Variants in TENM3 observed in about 807,000 individuals in gnomAD.
The protein encoded by TENM3 is teneurin-3.
In TENM3, 63 loss-of-function variants were observed where a neutral mutation model predicts 255.1. The observed-to-expected ratio is 0.25, with a 90% confidence interval of 0.20 to 0.30. The LOEUF (loss-of-function observed/expected upper bound fraction) is 0.30. Ranked by LOEUF, TENM3 falls within the 10% of genes least tolerant of loss-of-function variation. The pLI is 1.00. For missense variants in TENM3, 2,929 were observed against 3,461.1 expected (o/e 0.85, Z 3.86); for synonymous variants, 1,306 against 1,322.3 (o/e 0.99, Z 0.27).
the TENM3 span, chr4:181,834,722 T>C: frequency 6.6e-6 from 1 of 152,224 alleles, no homozygotes; most frequent in Non-Finnish European, 1.5e-5. Flanking sequence ...TGTTTATCCT[T>C]TTGATTGGAG....
At chr4:181,639,771 G>A in the TENM3 span, among the ~76,000 whole-genome samples, 1 of 151,976 alleles carries the variant, frequency 6.6e-6, no homozygotes, top group Non-Finnish European at 1.5e-5. Flanking sequence ...CACCACCCTC[G>A]GAGTGGTGCT....
At chr4:182,051,693 TAAC>T in the TENM3 span, among the ~76,000 whole-genome samples, 134 of 152,260 alleles carry the variant, frequency 8.8e-4, no homozygotes, top group African/African-American at 1.7e-3. Flanking sequence ...TTTATTCACT[TAAC>T]AAATATTTTC....
At chr4:181,641,052 G>A in the TENM3 span, among the ~76,000 whole-genome samples, 1 of 152,110 alleles carries the variant, frequency 6.6e-6, no homozygotes, top group Non-Finnish European at 1.5e-5. Context: ...ATTACTAAGA[G>A]ACTGTTTTAT....
At chr4:182,120,373 G>A in the TENM3 span, among the ~76,000 whole-genome samples, 1 of 152,114 alleles carries the variant, frequency 6.6e-6, no homozygotes, top group Middle Eastern at 3.2e-3. Context: ...ACACAATGAT[G>A]AAATTACCTA....
chr4:181,600,947 A>T, the TENM3 span, among the ~76,000 whole-genome samples: 3 of 151,636 alleles, frequency 2.0e-5, no homozygotes, highest in Non-Finnish European at 2.9e-5. Context: ...TATTCTGCCC[A>T]CTCAGGTCAC....
chr4:182,441,160 A>C (rs1255786459), intron 3 of TENM3, among the ~76,000 whole-genome samples: 4 of 152,144 alleles, frequency 2.6e-5, no homozygotes, highest in Non-Finnish European at 2.9e-5. Flanking sequence ...TCATGTATTA[A>C]GTTTATGTTC....
At chr4:181,665,598 A>T in the TENM3 span, among the ~76,000 whole-genome samples, 3 of 152,040 alleles carry the variant, frequency 2.0e-5, no homozygotes, top group African/African-American at 4.8e-5. Context: ...GTATGTTTAT[A>T]TAAGTGTCTA....
At chr4:182,520,952 T>G (rs1211108516) in intron 3 of TENM3, among the ~76,000 whole-genome samples, 1 of 152,168 alleles carries the variant, frequency 6.6e-6, no homozygotes, top group Admixed American at 6.5e-5. Flanking sequence ...TTGGGAATAA[T>G]AGAAAATCTC....
intron 4 of TENM3, among the ~76,000 whole-genome samples, chr4:182,625,596 G>A (rs1484477415): frequency 6.6e-6 from 1 of 152,150 alleles, no homozygotes; most frequent in African/African-American, 2.4e-5. Flanking sequence ...CACAGTCATA[G>A]GAAATGTCAG....
the TENM3 span, among the ~76,000 whole-genome samples, chr4:181,716,482 T>C: frequency 1.6e-3 from 244 of 152,304 alleles, no homozygotes; most frequent in African/African-American, 5.4e-3. Context: ...TAGCCCTCCA[T>C]GGCTCTGCCT....
intron 3 of TENM3, among the ~76,000 whole-genome samples, chr4:182,548,202 G>A (rs78830454): frequency 0.039 from 5,926 of 152,112 alleles, 228 homozygotes; most frequent in East Asian, 0.095. Flanking sequence ...TCCAGCCTGG[G>A]CAACACAGTG....
the TENM3 span, among the ~76,000 whole-genome samples, chr4:181,699,276 C>G: frequency 6.6e-6 from 1 of 151,048 alleles, no homozygotes; most frequent in Non-Finnish European, 1.5e-5. Flanking sequence ...AGAAAAAATA[C>G]AAAAATTAGC....
chr4:182,601,888 C>T (rs940816612), intron 4 of TENM3, among the ~76,000 whole-genome samples: 4 of 152,210 alleles, frequency 2.6e-5, no homozygotes, highest in African/African-American at 7.2e-5. Context: ...CCATGAGCTT[C>T]TCAGTCTTCT....
At chr4:182,761,541 G>T (rs557392129) in intron 22 of TENM3, among the ~76,000 whole-genome samples, 55 of 152,124 alleles carry the variant, frequency 3.6e-4, no homozygotes, top group African/African-American at 1.2e-3. Flanking sequence ...TTGCATCATT[G>T]TTATTTCTGC....
At chr4:181,857,551 CAAAA>C in the TENM3 span, among the ~76,000 whole-genome samples, 16 of 104,806 alleles carry the variant, frequency 1.5e-4, no homozygotes, top group East Asian at 4.0e-4. Flanking sequence ...CCTGTCTCTA[CAAAA>C]AAAAAAAAAA....
the TENM3 span, among the ~76,000 whole-genome samples, chr4:182,110,873 A>G: frequency 6.6e-6 from 1 of 152,186 alleles, no homozygotes; most frequent in Non-Finnish European, 1.5e-5. Context: ...GATGATCGAA[A>G]CTATAGAAAC....
chr4:182,092,553 T>C, the TENM3 span, among the ~76,000 whole-genome samples: 1 of 152,160 alleles, frequency 6.6e-6, no homozygotes, highest in Non-Finnish European at 1.5e-5. Context: ...GAGGCCAAGG[T>C]GGACCTCGAG....
At chr4:181,513,140 G>A in the TENM3 span, among the ~76,000 whole-genome samples, 1 of 151,820 alleles carries the variant, frequency 6.6e-6, no homozygotes, top group Non-Finnish European at 1.5e-5. Context: ...TTTTTTTGTG[G>A]TGTTATTTAT....
At chr4:182,001,857 T>C in the TENM3 span, among the ~76,000 whole-genome samples, 1 of 152,122 alleles carries the variant, frequency 6.6e-6, no homozygotes, top group Non-Finnish European at 1.5e-5. Context: ...CTAAGGTATT[T>C]CTAAAATGAA....
Sources: allele counts gnomAD v4.1 joint callset (sites outside exome capture counted in the v4.1 genomes callset), GRCh38; gene constraint gnomAD v4.1.1; transcripts MANE v1.5; gene names NCBI Gene and HGNC (gene_info 2026-07-23, HGNC 2026-07-21).